DPY19L3: variants seen among roughly 807,000 people sequenced by gnomAD.
The protein encoded by DPY19L3 is dpy-19 like C-mannosyltransferase 3, also known as protein C-mannosyl-transferase DPY19L3.
DPY19L3 carries 51 observed loss-of-function variants against 92.3 expected under a neutral mutation model. The observed-to-expected ratio is 0.55, with a 90% CI of 0.44 to 0.70. DPY19L3 has a LOEUF of 0.70. Among genes scored for constraint, DPY19L3 ranks in the 30% least tolerant of loss-of-function variants. DPY19L3 has a pLI of 0.00. For synonymous variants in DPY19L3, 309 were observed against 315.2 expected (o/e 0.98, Z 0.21); for missense variants, 706 against 855.9 (o/e 0.82, Z 2.18).
chr19:32,415,872 G>A (rs537945257), intron 3 of DPY19L3, among the ~76,000 whole-genome samples: 5 of 152,352 alleles, frequency 3.3e-5, no homozygotes, highest in Middle Eastern at 3.4e-3. Flanking sequence ...CACACGGGAT[G>A]ATGAGATAGT....
intron 3 of DPY19L3, among the ~76,000 whole-genome samples, chr19:32,431,640 G>C (rs1968972173): frequency 6.6e-6 from 1 of 152,158 alleles, no homozygotes; most frequent in Non-Finnish European, 1.5e-5. Flanking sequence ...CAGGTGTAAA[G>C]ATGAAATTCA....
In DPY19L3 at chr19:32,411,292, A is replaced by G. The variant is rs201012525; in HGVS notation, c.157A>G (p.Ile53Val). The change falls in exon 3 of 19, where the codon ATT becomes GTT. Residue 53 changes from isoleucine (I) to valine (V), a missense_variant. Coordinates refer to ENST00000392250, the MANE Select transcript of DPY19L3 (RefSeq NM_001172774.2). Reference protein sequence around the residue: ...KILSLTIGGTIALCIGLLTSV... With the variant: ...KILSLTIGGTVALCIGLLTSV... ...TTTGTCATTGACAATTGGTGGAACC[A>G]TTGCCCTTTGCATTGGACTTCTTAC... The G allele has an allele frequency of 6.8e-5, 110 of 1,613,682 alleles. No homozygotes were observed. In the East Asian group the frequency reaches 2.3e-3, roughly 34 times the overall value.
intron 3 of DPY19L3, among the ~76,000 whole-genome samples, chr19:32,423,190 TATAA>T (rs1313150057): frequency 6.6e-6 from 1 of 152,154 alleles, no homozygotes; most frequent in African/African-American, 2.4e-5. Context: ...ATGTGTATGA[TATAA>T]ATAATGTTAT....
chr19:32,423,447 G>A (rs2145438907), intron 3 of DPY19L3, among the ~76,000 whole-genome samples: 1 of 113,450 alleles, frequency 8.8e-6, no homozygotes, highest in Non-Finnish European at 1.9e-5. Context: ...ACAGGGTTTT[G>A]CCATGTCAGG....
chr19:32,417,406 G>A (rs1968415729), intron 3 of DPY19L3, among the ~76,000 whole-genome samples: 1 of 152,182 alleles, frequency 6.6e-6, no homozygotes, highest in Admixed American at 6.5e-5. Context: ...TGCAGCCTCC[G>A]CCTCCTGAGT....
intron 3 of DPY19L3, among the ~76,000 whole-genome samples, chr19:32,423,004 A>G (rs984123326): frequency 1.4e-4 from 22 of 152,220 alleles, no homozygotes; most frequent in African/African-American, 5.3e-4. Context: ...TAAAGATGGC[A>G]TACAAACTTT....
chr19:32,464,830 A>G (rs745764189), intron 15 of DPY19L3, 46 bp downstream of exon 15: 1 of 1,304,386 alleles, frequency 7.7e-7, no homozygotes, highest in Non-Finnish European at 1.1e-6. Flanking sequence ...ATTTAGCAGA[A>G]TAATTGCTTT....
intron 16 of DPY19L3, among the ~76,000 whole-genome samples, chr19:32,473,884 A>G (rs956956229): frequency 6.6e-6 from 1 of 152,262 alleles, no homozygotes; most frequent in East Asian, 1.9e-4. Context: ...GCTCACTGCA[A>G]CCTTCACCTC....
chr19:32,455,170 G>C, intron 10 of DPY19L3, 130 bp downstream of exon 10: 1 of 628,694 alleles, frequency 1.6e-6, no homozygotes, highest in East Asian at 3.5e-5. Context: ...CCGTTTCCTA[G>C]GCTGGCCTTG....
intron 10 of DPY19L3, among the ~76,000 whole-genome samples, chr19:32,457,602 C>T (rs532567354): frequency 6.6e-6 from 1 of 152,298 alleles, no homozygotes; most frequent in South Asian, 2.1e-4. Flanking sequence ...GATGAACACT[C>T]ATATTTGTCT....
chr19:32,439,537 T>G (rs896132148), intron 7 of DPY19L3, among the ~76,000 whole-genome samples: 3 of 152,200 alleles, frequency 2.0e-5, no homozygotes, highest in Admixed American at 6.5e-5. Context: ...GAGATGTGAT[T>G]TGGTGCATTA....
In DPY19L3 at chr19:32,484,733, G is replaced by T. The variant is rs1406597109; in HGVS notation, c.*2493G>T. The stretch of plus-strand genomic sequence containing the variant: ...GTGCACCCGTCCCAAACTCCTCCAT[G>T]CAAGTTCTGCTTCCTCTTATAAGTA... On this transcript the variant is annotated 3_prime_UTR_variant, in exon 19 of 19. Transcript: ENST00000392250. The T allele has an allele frequency of 6.6e-6, 1 of 152,116 alleles. No homozygotes were observed. Among genetic ancestry groups the T allele is most frequent in the Non-Finnish European group, 1.5e-5 (1 of 68,030 alleles). The allele number at this position is 152,116 out of a possible 1,614,324, so 9.4% of individuals were successfully genotyped here.
chr19:32,420,891 C>A (rs1316018135), intron 3 of DPY19L3, among the ~76,000 whole-genome samples: 1 of 152,038 alleles, frequency 6.6e-6, no homozygotes, highest in African/African-American at 2.4e-5. Flanking sequence ...ATATTCATTA[C>A]CCTTAACAAA....
At chr19:32,426,099 C>T (rs1488655498) in intron 3 of DPY19L3, among the ~76,000 whole-genome samples, 1 of 152,192 alleles carries the variant, frequency 6.6e-6, no homozygotes, top group East Asian at 1.9e-4. Flanking sequence ...TTTCCATCAG[C>T]ACTTTCAGCT....
At chr19:32,463,846 T>TG (rs1234984214) in intron 13 of DPY19L3, 23 bp from the exon 14 acceptor site, 1 of 1,593,184 alleles carries the variant, frequency 6.3e-7, no homozygotes, top group African/African-American at 1.3e-5. Context: ...ACTTCTGACT[T>TG]GCGCCTGTGT....
At position 32,455,033 on chromosome 19, in the gene DPY19L3, T is replaced by C; in HGVS notation, c.1082T>C (p.Ile361Thr). The change falls in exon 10 of 19, where the codon ATA becomes ACA. Residue 361 changes from isoleucine (I) to threonine (T), a missense_variant. Coordinates refer to ENST00000392250, the MANE Select transcript of DPY19L3 (RefSeq NM_001172774.2). ...TGTTTGACACTTTTTCTCAACAACA[T>C]AATTAAGGTAAGTTAATAAAAATGA... ...VLCLTLFLNN[I>T]IKKILNLKSD... 1 of 1,514,024 alleles carries C rather than the reference T, an allele frequency of 6.6e-7. No individual in the cohort carries two copies. Among genetic ancestry groups the C allele is most frequent in the South Asian group, 1.3e-5 (1 of 79,960 alleles). 93.8% of individuals were successfully genotyped at this position (1,514,024 alleles called of 1,614,324 possible). A position where few individuals can be genotyped will look rare whatever the true frequency, so the allele number is the denominator to read the frequency against.
At chr19:32,447,150 A>G (rs1422271991) in intron 8 of DPY19L3, among the ~76,000 whole-genome samples, 1 of 152,210 alleles carries the variant, frequency 6.6e-6, no homozygotes, top group African/African-American at 2.4e-5. Flanking sequence ...AAAGATATAC[A>G]CTAAAAAAGA....
rs1970716339 is a variant in DPY19L3 at position 32,482,932 on chromosome 19, T to A, written c.*692T>A. 6.6e-6 allele frequency: 1 copy of A among 152,212 alleles called. No homozygotes were observed. The highest frequency in any genetic ancestry group is 2.1e-4 in the South Asian group (1 of 4,836). 9.4% of individuals were successfully genotyped at this position (152,212 alleles called of 1,614,324 possible). On this transcript the variant is annotated 3_prime_UTR_variant, in exon 19 of 19. Transcript: ENST00000392250. Reference sequence around the variant, plus strand: ...CTGGGCACAGAAAAGTGTTACAAGTTCCATATCGTAAGTCCTTAAAGGGGC... The same window carrying A: ...CTGGGCACAGAAAAGTGTTACAAGTACCATATCGTAAGTCCTTAAAGGGGC...
chr19:32,452,216 A>G (rs918206942), intron 8 of DPY19L3, among the ~76,000 whole-genome samples: 6 of 152,228 alleles, frequency 3.9e-5, no homozygotes, highest in Non-Finnish European at 7.3e-5. Flanking sequence ...CTTGTTCACG[A>G]TGAACCATTT....
Sources: allele counts gnomAD v4.1 joint callset (sites outside exome capture counted in the v4.1 genomes callset), GRCh38; gene constraint gnomAD v4.1.1; transcripts MANE v1.5; gene names NCBI Gene and HGNC (gene_info 2026-07-23, HGNC 2026-07-21).